The following MYOZ2 variants were observed in gnomAD, a reference collection of about 807,000 sequenced individuals.
MYOZ2 encodes the protein myozenin 2.
Under a neutral mutation model 25.4 loss-of-function variants are expected in MYOZ2, and 19 were observed. That is an observed-to-expected ratio of 0.75 (90% CI 0.52 to 1.10). The LOEUF (loss-of-function observed/expected upper bound fraction) is 1.10. Among genes scored for constraint, MYOZ2 ranks in the 50% least tolerant of loss-of-function variants. The pLI is 0.00. For synonymous variants in MYOZ2, 92 were observed against 106.9 expected (o/e 0.86, Z 0.86); for missense variants, 270 against 317.9 (o/e 0.85, Z 1.15).
chr4:119,181,216 C>G (rs1383273394), intron 5 of MYOZ2, among the ~76,000 whole-genome samples: 1 of 152,098 alleles, frequency 6.6e-6, no homozygotes, highest in Non-Finnish European at 1.5e-5. Flanking sequence ...AAGGAATGTC[C>G]AGGTAGCATC....
intron 2 of MYOZ2, among the ~76,000 whole-genome samples, chr4:119,137,677 G>A (rs565319920): frequency 5.3e-5 from 8 of 152,212 alleles, no homozygotes; most frequent in African/African-American, 1.9e-4. Context: ...CCACTGTACT[G>A]GATTCAACTT....
At chr4:119,174,944 C>T (rs1742029476) in intron 5 of MYOZ2, among the ~76,000 whole-genome samples, 2 of 152,082 alleles carry the variant, frequency 1.3e-5, no homozygotes, top group East Asian at 1.9e-4. Context: ...GCCTTAAGAG[C>T]TGTAACACTC....
chr4:119,160,883 CCTT>C (rs779639307), intron 4 of MYOZ2, among the ~76,000 whole-genome samples: 135 of 151,718 alleles, frequency 8.9e-4, no homozygotes, highest in Non-Finnish European at 1.7e-3. Flanking sequence ...TCAATATCCT[CCTT>C]CTAGCTATCT....
chr4:119,171,308 C>T (rs1399116645), intron 5 of MYOZ2, among the ~76,000 whole-genome samples: 1 of 151,772 alleles, frequency 6.6e-6, no homozygotes, highest in Non-Finnish European at 1.5e-5. Flanking sequence ...AAAAGGTCAT[C>T]GTTAATAGTT....
At chr4:119,167,412 T>C (rs1323340019) in intron 5 of MYOZ2, among the ~76,000 whole-genome samples, 2 of 152,174 alleles carry the variant, frequency 1.3e-5, no homozygotes, top group Non-Finnish European at 2.9e-5. Flanking sequence ...AAGCTAGTAG[T>C]TGTTGGTTCA....
chr4:119,150,275 A>G (rs996172902), intron 2 of MYOZ2, among the ~76,000 whole-genome samples: 1 of 152,226 alleles, frequency 6.6e-6, no homozygotes, highest in Admixed American at 6.5e-5. Context: ...TAGAGAATGA[A>G]TGAGTAATTA....
chr4:119,144,845 G>C (rs1368907432), intron 2 of MYOZ2, among the ~76,000 whole-genome samples: 2 of 152,138 alleles, frequency 1.3e-5, no homozygotes, highest in African/African-American at 4.8e-5. Context: ...ATGCTAGACT[G>C]TTTTCAAGGT....
intron 2 of MYOZ2, among the ~76,000 whole-genome samples, chr4:119,141,369 T>C (rs1187988751): frequency 1.3e-5 from 2 of 151,772 alleles, no homozygotes; most frequent in Non-Finnish European, 2.9e-5. Flanking sequence ...CCTAACCATA[T>C]TATTTTCTTT....
Position 119,186,176 on chromosome 4 carries a change from T to C in MYOZ2, c.771T>C (p.Thr257=). ...CAACCGAACCTACAGATGATACCACTGTACCAGAATCAGAAGACCTATGAA... is the reference window on the plus strand; with the variant it reads ...CAACCGAACCTACAGATGATACCACCGTACCAGAATCAGAAGACCTATGAA... ...VITTEPTDDT[T]VPESEDL is the part of the protein sequence containing the mutation. The change falls in exon 6 of 6, where the codon ACT becomes ACC. Residue 257 remains threonine, a synonymous_variant. Transcript: ENST00000307128. 6.2e-7 allele frequency: 1 copy of C among 1,612,974 alleles called. No individual in the cohort carries two copies. The highest frequency in any genetic ancestry group is 1.1e-5 in the South Asian group (1 of 91,048).
chr4:119,186,089 C>G lies in MYOZ2; in HGVS notation c.684C>G (p.Gly228=), dbSNP rs1257308572. ...RFMSFVNPLS[G]RRSFNRTPKG... ...TGTCCTTTGTCAATCCCCTTTCTGG[C>G]AGACGGTCCTTTAATAGGACTCCTA... Residue 228 remains glycine (G), a synonymous_variant, in exon 6 of 6, where the codon GGC becomes GGG. Coordinates refer to ENST00000307128, the MANE Select transcript of MYOZ2 (RefSeq NM_016599.5). The G allele has an allele frequency of 6.2e-7, 1 of 1,613,968 alleles. No individual in the cohort carries two copies. The highest frequency in any genetic ancestry group is 8.5e-7 in the Non-Finnish European group (1 of 1,179,916).
chr4:119,150,173 T>C (rs1741414728), intron 2 of MYOZ2, among the ~76,000 whole-genome samples: 1 of 152,072 alleles, frequency 6.6e-6, no homozygotes, highest in Non-Finnish European at 1.5e-5. Flanking sequence ...ATTTAAGGTA[T>C]GGGAGACACA....
chr4:119,163,198 A>C (rs1741747609), intron 4 of MYOZ2, among the ~76,000 whole-genome samples: 1 of 152,128 alleles, frequency 6.6e-6, no homozygotes, highest in South Asian at 2.1e-4. Flanking sequence ...ATAACTGTTT[A>C]GACATGGAAT....
chr4:119,160,877 T>C (rs1206948743), intron 4 of MYOZ2, among the ~76,000 whole-genome samples: 5 of 151,986 alleles, frequency 3.3e-5, no homozygotes, highest in Non-Finnish European at 2.9e-5. Context: ...AAGTATTCAA[T>C]ATCCTCCTTC....
chr4:119,160,900 C>T (rs751181166), intron 4 of MYOZ2, among the ~76,000 whole-genome samples: 4 of 149,012 alleles, frequency 2.7e-5, no homozygotes, highest in Non-Finnish European at 5.9e-5. Flanking sequence ...GCTATCTGAA[C>T]TATATATTAT....
intron 5 of MYOZ2, among the ~76,000 whole-genome samples, chr4:119,168,360 C>G (rs1221409426): frequency 6.6e-6 from 1 of 152,150 alleles, no homozygotes; most frequent in East Asian, 1.9e-4. Flanking sequence ...ATTATTTAAG[C>G]AACACATTTC....
At position 119,154,892 on chromosome 4, in the gene MYOZ2, A is replaced by ACACACACACAC. The variant is rs58689464; in HGVS notation, c.247-3130_247-3129insCACACACACAC. Among the ~76,000 whole-genome samples, 356 of 148,498 alleles carry ACACACACACAC rather than the reference A, an allele frequency of 2.4e-3. 1 individual carries two copies. Among genetic ancestry groups the ACACACACACAC allele is most frequent in the Non-Finnish European group, 3.7e-3 (245 of 67,074 alleles). ...ACACGCACACACACACACACACACA[A>ACACACACACAC]TGCCTTTCTTAGTCCATCCATGTTG... On this transcript the variant is annotated intron_variant, in intron 3 of 5. Transcript: ENST00000307128.
intron 5 of MYOZ2, among the ~76,000 whole-genome samples, chr4:119,181,166 C>T (rs994299527): frequency 5.3e-5 from 8 of 152,154 alleles, no homozygotes; most frequent in Admixed American, 3.9e-4. Context: ...GGCTTCCCTC[C>T]CTGTATGGCT....
rs1480650586 is a variant in MYOZ2 at position 119,187,596 on chromosome 4, A to G, written c.*1396A>G. The G allele has an allele frequency of 1.3e-5, 2 of 152,032 alleles. No homozygotes were observed. The highest frequency in any genetic ancestry group is 4.8e-5 in the African/African-American group (2 of 41,446). 9.4% of individuals were successfully genotyped at this position (152,032 alleles called of 1,614,324 possible). On this transcript the variant is annotated 3_prime_UTR_variant, in exon 6 of 6. Transcript: ENST00000307128. Reference sequence around the variant, plus strand: ...CAATGACAAAGTATTATATTTATATATATTATTGTAGAGAATTTGTATATT... The same window carrying G: ...CAATGACAAAGTATTATATTTATATGTATTATTGTAGAGAATTTGTATATT...
intron 5 of MYOZ2, among the ~76,000 whole-genome samples, chr4:119,179,498 CT>C (rs372423613): frequency 0.012 from 1,822 of 152,096 alleles, 47 homozygotes; most frequent in African/African-American, 0.041. Context: ...CTTCATAGCT[CT>C]TTTTTTTCAT....
Sources: allele counts gnomAD v4.1 joint callset (sites outside exome capture counted in the v4.1 genomes callset), GRCh38; gene constraint gnomAD v4.1.1; transcripts MANE v1.5; gene names NCBI Gene and HGNC (gene_info 2026-07-23, HGNC 2026-07-21).